The following CDK6 variants were observed in gnomAD, a reference collection of about 807,000 sequenced individuals.
CDK6 encodes the protein cyclin-dependent kinase 6.
In CDK6, 6 loss-of-function variants were observed where a neutral mutation model predicts 37.1. The ratio of observed to expected loss-of-function variants is 0.16; its 90% CI spans 0.09 to 0.32. The LOEUF is 0.32. CDK6 is among the 10% of genes least tolerant of loss of function. The pLI, the probability that CDK6 is intolerant of heterozygous loss-of-function variation, is 1.00. For synonymous variants in CDK6, 160 were observed against 161.3 expected, an observed-to-expected ratio of 0.99 and a Z score of 0.06; for missense variants, 224 against 418.9, an observed-to-expected ratio of 0.53 and a Z score of 4.06.
At chr7:92,664,353 G>A (rs921006178) in intron 5 of CDK6, among the ~76,000 whole-genome samples, 2 of 152,198 alleles carry the variant, frequency 1.3e-5, no homozygotes, top group African/African-American at 4.8e-5. Context: ...GCACCCTGGT[G>A]TTCAGGTCAG....
intron 6 of CDK6, 76 bp downstream of exon 6, chr7:92,622,960 T>TTTC: frequency 1.2e-6 from 1 of 839,628 alleles, no homozygotes. Flanking sequence ...AAACACATGA[T>TTTC]ATGCATGTCA....
intron 2 of CDK6, among the ~76,000 whole-genome samples, chr7:92,779,541 A>G (rs1373837853): frequency 1.3e-5 from 2 of 152,194 alleles, no homozygotes; most frequent in Non-Finnish European, 2.9e-5. Context: ...TATTAACTTC[A>G]TTCAGGAAAT....
intron 3 of CDK6, among the ~76,000 whole-genome samples, chr7:92,748,925 G>C (rs1354233264): frequency 6.6e-6 from 1 of 152,158 alleles, no homozygotes; most frequent in Non-Finnish European, 1.5e-5. Flanking sequence ...AACACGGCTG[G>C]GCGCGATGGC....
chr7:92,679,114 C>G (rs1350629807), intron 4 of CDK6, among the ~76,000 whole-genome samples: 5 of 152,156 alleles, frequency 3.3e-5, no homozygotes, highest in African/African-American at 1.2e-4. Context: ...ATGCCTGTGT[C>G]AAGAAATCCT....
intron 4 of CDK6, among the ~76,000 whole-genome samples, chr7:92,672,134 CATATATATATATATAT>C (rs372523914): frequency 1.5e-5 from 1 of 65,408 alleles, no homozygotes; most frequent in African/African-American, 7.1e-5. Context: ...AAAAGCTGTA[CATATATATATATATAT>C]ATATATATAT....
intron 5 of CDK6, among the ~76,000 whole-genome samples, chr7:92,651,580 T>C (rs1796575307): frequency 5.9e-5 from 9 of 152,104 alleles, no homozygotes; most frequent in Admixed American, 5.2e-4. Flanking sequence ...AGAAGGTCTT[T>C]GATATTATAA....
intron 5 of CDK6, among the ~76,000 whole-genome samples, chr7:92,670,788 C>T (rs1437114512): frequency 1.3e-5 from 2 of 152,228 alleles, no homozygotes; most frequent in Non-Finnish European, 2.9e-5. Context: ...TCACTATTCT[C>T]ACAAACCCCA....
chr7:92,671,385 CT>C, intron 5 of CDK6, 40 bp downstream of exon 5: 1 of 1,308,074 alleles, frequency 7.6e-7, no homozygotes, highest in Admixed American at 2.2e-5. Context: ...TCCACAGTCT[CT>C]TTTCAAGGAA....
Position 92,683,569 on chromosome 7 carries a change from T to C in CDK6, c.538-12034A>G, listed in dbSNP as rs188259738. On this transcript the variant is annotated intron_variant, in intron 4 of 7. Transcript: ENST00000424848. ...ATGAAGGTATAGCTCATTCAGCTCA[T>C]TCTGCAGTACGCTCTCCTCCTCAAA... 1.1e-4 allele frequency among the ~76,000 whole-genome samples: 17 copies of C among 152,360 alleles called. No homozygotes were observed. In the East Asian group the frequency reaches 3.1e-3, roughly 28 times the overall value.
rs1426136511 is a variant in CDK6, at chr7:92,613,046, G to A, written c.*2094C>T. The A allele has an allele frequency of 1.7e-5, 4 of 232,944 alleles. No homozygotes were observed. Among genetic ancestry groups the A allele is most frequent in the Non-Finnish European group, 3.4e-5 (4 of 117,980 alleles). 14.4% of individuals were successfully genotyped at this position (232,944 alleles called of 1,614,324 possible). ...ATAGTACTGACAACACCTAATCAAT[G>A]TTGTCACAACGAAAGTAGAAAACAT... On this transcript the variant is annotated 3_prime_UTR_variant, in exon 8 of 8. Coordinates refer to ENST00000424848, the MANE Select transcript of CDK6 (RefSeq NM_001145306.2).
intron 2 of CDK6, among the ~76,000 whole-genome samples, chr7:92,781,053 A>AT (rs2115815322): frequency 6.6e-6 from 1 of 152,364 alleles, no homozygotes; most frequent in East Asian, 1.9e-4. Context: ...TTACCATTAA[A>AT]TATTTATCCA....
intron 4 of CDK6, among the ~76,000 whole-genome samples, chr7:92,688,759 T>A (rs946501464): frequency 1.3e-5 from 2 of 152,228 alleles, no homozygotes; most frequent in African/African-American, 4.8e-5. Context: ...ATTTCTTCTA[T>A]GGACATAATT....
intron 2 of CDK6, among the ~76,000 whole-genome samples, chr7:92,825,514 A>C (rs1349851312): frequency 6.6e-6 from 1 of 152,090 alleles, no homozygotes; most frequent in African/African-American, 2.4e-5. Context: ...AAGAAACTGG[A>C]ATGAATTCAA....
intron 5 of CDK6, among the ~76,000 whole-genome samples, chr7:92,662,155 T>C (rs1301942179): frequency 6.6e-6 from 1 of 152,014 alleles, no homozygotes; most frequent in African/African-American, 2.4e-5. Flanking sequence ...TGAGGGAGAT[T>C]TGCCTTGTAA....
chr7:92,805,084 G>A (rs1046088810), intron 2 of CDK6, among the ~76,000 whole-genome samples: 4 of 152,172 alleles, frequency 2.6e-5, no homozygotes, highest in Non-Finnish European at 5.9e-5. Context: ...CTTCTCTCTT[G>A]ATTCAAAGAG....
chr7:92,714,192 C>A (rs1211292574), intron 4 of CDK6, among the ~76,000 whole-genome samples: 1 of 152,076 alleles, frequency 6.6e-6, no homozygotes, highest in Non-Finnish European at 1.5e-5. Context: ...TAACTTTATC[C>A]TGGGGAGTTG....
intron 3 of CDK6, among the ~76,000 whole-genome samples, chr7:92,756,945 G>A (rs1799333201): frequency 6.6e-6 from 1 of 152,072 alleles, no homozygotes. Flanking sequence ...TTTAGGAAAG[G>A]TTTAAAATGT....
At chr7:92,707,945 A>G (rs569842978) in intron 4 of CDK6, among the ~76,000 whole-genome samples, 1 of 152,306 alleles carries the variant, frequency 6.6e-6, no homozygotes, top group African/African-American at 2.4e-5. Flanking sequence ...ATTTTTAGGC[A>G]TATTTAGTTG....
At chr7:92,782,570 CAA>C (rs918745331) in intron 2 of CDK6, among the ~76,000 whole-genome samples, 1 of 152,158 alleles carries the variant, frequency 6.6e-6, no homozygotes, top group African/African-American at 2.4e-5. Flanking sequence ...ATGAAACTGG[CAA>C]AGTCTCAGCC....
Sources: gnomAD v4.1 joint callset for allele counts (sites outside exome capture counted in the v4.1 genomes callset) on GRCh38, gnomAD v4.1.1 for gene constraint, MANE v1.5 for transcripts, NCBI Gene and HGNC (gene_info 2026-07-23, HGNC 2026-07-21) for gene names.